The following APLF variants were observed in gnomAD, a reference collection of about 807,000 sequenced individuals.
APLF encodes aprataxin and PNK-like factor.
In APLF, 61 loss-of-function variants were observed where a neutral mutation model predicts 55.6. The observed-to-expected ratio is 1.10, with a 90% CI of 0.89 to 1.36. The LOEUF (loss-of-function observed/expected upper bound fraction) is 1.36, where lower values mean the gene tolerates loss of function less well. APLF is among the 40% of genes most tolerant of loss of function. The pLI is 0.00. For synonymous variants in APLF, 207 were observed against 214.8 expected (o/e 0.96, Z 0.32); for missense variants, 611 against 602.5 (o/e 1.01, Z -0.15).
At chr2:68,479,225 G>A (rs1211964771) in intron 1 of APLF, among the ~76,000 whole-genome samples, 1 of 152,112 alleles carries the variant, frequency 6.6e-6, no homozygotes, top group African/African-American at 2.4e-5. Flanking sequence ...AACCTCCCTA[G>A]AGAGAACATC....
chr2:68,516,890 TATA>T (rs1476904311), intron 5 of APLF, among the ~76,000 whole-genome samples: 11 of 132,144 alleles, frequency 8.3e-5, no homozygotes, highest in Admixed American at 2.7e-4. Context: ...TTATATATAA[TATA>T]ATAATATATT....
chr2:68,510,645 T>C (rs1677020770), intron 3 of APLF, among the ~76,000 whole-genome samples: 1 of 151,848 alleles, frequency 6.6e-6, no homozygotes, highest in Admixed American at 6.6e-5. Context: ...ATGGAATTAC[T>C]GTGTGGCTCA....
chr2:68,580,134 T>G lies in APLF; in HGVS notation c.*2112T>G, dbSNP rs1671731426. The G allele has an allele frequency of 1.1e-6, 1 of 935,792 alleles. No individual in the cohort carries two copies. Among genetic ancestry groups the G allele is most frequent in the Non-Finnish European group, 1.3e-6 (1 of 784,804 alleles). The allele number at this position is 935,792 out of a possible 1,614,324, so 58.0% of individuals were successfully genotyped here. ...CTGAAGACACTTTTGAGTATAACTA[T>G]TGTATAAATAAATGTATAGCTTAAT... is the stretch of plus-strand genomic sequence containing the variant. On this transcript the variant is annotated 3_prime_UTR_variant, in exon 10 of 10. Transcript: ENST00000303795.
intron 5 of APLF, among the ~76,000 whole-genome samples, chr2:68,517,781 CTAATA>C (rs1669669373): frequency 7.0e-6 from 1 of 142,718 alleles, no homozygotes; most frequent in East Asian, 2.1e-4. Flanking sequence ...TAATATATCA[CTAATA>C]TAATGTTAAT....
rs564515469 is a variant in APLF, at chr2:68,505,568, A to G, written c.341+2665A>G. Among the ~76,000 whole-genome samples the G allele has an allele frequency of 4.5e-4, 69 of 152,096 alleles. No homozygotes were observed. In the South Asian group the frequency reaches 7.9e-3, roughly 17 times the overall value. On this transcript the variant is annotated intron_variant, in intron 3 of 9. Transcript: ENST00000303795. ...GGCTATTTAAACCTTGGGTTCTGTC[A>G]TTTGCTAGAAGGGCTCACAGAACTC...
At chr2:68,468,446 T>C (rs1675503321) in intron 1 of APLF, among the ~76,000 whole-genome samples, 1 of 152,136 alleles carries the variant, frequency 6.6e-6, no homozygotes, top group South Asian at 2.1e-4. Context: ...ACATTACCTA[T>C]ACCAACATCT....
chr2:68,532,926 T>C (rs1670296067), intron 6 of APLF, among the ~76,000 whole-genome samples: 1 of 152,140 alleles, frequency 6.6e-6, no homozygotes. Context: ...ATAATGCTGC[T>C]ATAAAAAGGG....
At chr2:68,540,622 C>T (rs1176762014) in intron 7 of APLF, among the ~76,000 whole-genome samples, 1 of 152,128 alleles carries the variant, frequency 6.6e-6, no homozygotes, top group African/African-American at 2.4e-5. Context: ...TTTACATTCC[C>T]ACCAACAGTG....
chr2:68,468,676 G>A (rs969407317), intron 1 of APLF, among the ~76,000 whole-genome samples: 4 of 152,168 alleles, frequency 2.6e-5, no homozygotes, highest in African/African-American at 7.2e-5. Flanking sequence ...AGTACATCTA[G>A]TTTTCTATTT....
rs988877847 is a variant in APLF, at chr2:68,518,364, A to G, written c.622+4684A>G. 5.4e-5 allele frequency among the ~76,000 whole-genome samples: 6 copies of G among 110,886 alleles called. No individual in the cohort carries two copies. In the Admixed American group the frequency reaches 6.6e-4, roughly 12 times the overall value. 72.7% of individuals were successfully genotyped at this position (110,886 alleles called of 152,430 possible). On this transcript the variant is annotated intron_variant, in intron 5 of 9. Transcript: ENST00000303795. ...TAATTATATATTAATATAGCAATAT[A>G]TTAATATATGACTGTATTATATTAT...
chr2:68,572,154 G>A (rs978569869), intron 9 of APLF, among the ~76,000 whole-genome samples: 6 of 151,094 alleles, frequency 4.0e-5, no homozygotes, highest in African/African-American at 1.5e-4. Flanking sequence ...TTAATGTGTG[G>A]AAAGCTAAGA....
chr2:68,552,095 A>C (rs939606369), intron 8 of APLF, among the ~76,000 whole-genome samples: 2 of 152,078 alleles, frequency 1.3e-5, no homozygotes, highest in African/African-American at 4.8e-5. Flanking sequence ...AGCTTAGCCT[A>C]TTAGCCTACT....
At chr2:68,516,243 C>T (rs1275828160) in intron 5 of APLF, among the ~76,000 whole-genome samples, 2 of 151,626 alleles carry the variant, frequency 1.3e-5, no homozygotes, top group Non-Finnish European at 2.9e-5. Flanking sequence ...AGGCATATCA[C>T]TGTATAGCTG....
chr2:68,519,074 A>G (rs1020366788), intron 5 of APLF, among the ~76,000 whole-genome samples: 2 of 124,534 alleles, frequency 1.6e-5, no homozygotes, highest in Non-Finnish European at 3.3e-5. Context: ...ATATAATAAT[A>G]ATATAATATA....
chr2:68,511,456 T>TA (rs1013308607), intron 3 of APLF, among the ~76,000 whole-genome samples: 1 of 151,734 alleles, frequency 6.6e-6, no homozygotes, highest in African/African-American at 2.4e-5. Context: ...TTTTTTTTGT[T>TA]ACGTTTATTG....
chr2:68,468,472 C>G (rs527472918), intron 1 of APLF, among the ~76,000 whole-genome samples: 1 of 152,250 alleles, frequency 6.6e-6, no homozygotes, highest in African/African-American at 2.4e-5. Flanking sequence ...TGTCTCAAGA[C>G]CGTATCAGTT....
chr2:68,551,753 T>G (rs1276112320), intron 8 of APLF, among the ~76,000 whole-genome samples: 5 of 149,200 alleles, frequency 3.4e-5, no homozygotes, highest in Admixed American at 6.6e-5. Context: ...TGGTTCTGCT[T>G]CTTTTTTTTT....
Position 68,579,098 on chromosome 2 carries a change from T to C in APLF, c.*1076T>C. On this transcript the variant is annotated 3_prime_UTR_variant, in exon 10 of 10. Coordinates refer to ENST00000303795, the MANE Select transcript of APLF (RefSeq NM_173545.3). Reference sequence around the variant, plus strand: ...TAAATCACTAAGCCAAAAGAATCTTTGTTAAATGCTATTATTTTCTACTCT... The same window carrying C: ...TAAATCACTAAGCCAAAAGAATCTTCGTTAAATGCTATTATTTTCTACTCT... 1.0e-6 allele frequency: 1 copy of C among 969,106 alleles called. No individual in the cohort carries two copies. The highest frequency in any genetic ancestry group is 1.1e-4 in the East Asian group (1 of 8,732). 60.0% of individuals were successfully genotyped at this position (969,106 alleles called of 1,614,324 possible).
At chr2:68,576,714 C>T (rs574125534) in intron 9 of APLF, among the ~76,000 whole-genome samples, 1 of 152,186 alleles carries the variant, frequency 6.6e-6, no homozygotes, top group Non-Finnish European at 1.5e-5. Context: ...CTTCCTTTGT[C>T]ATTTTTCTCA....
Sources: gnomAD v4.1 joint callset for allele counts (sites outside exome capture counted in the v4.1 genomes callset) on GRCh38, gnomAD v4.1.1 for gene constraint, MANE v1.5 for transcripts, NCBI Gene and HGNC (gene_info 2026-07-23, HGNC 2026-07-21) for gene names.